Variants in GPATCH1 observed in about 807,000 individuals in gnomAD.
GPATCH1 encodes the protein G patch domain-containing protein 1.
Under a neutral mutation model 114.9 loss-of-function variants are expected in GPATCH1, and 73 were observed. The ratio of observed to expected loss-of-function variants is 0.64; its 90% CI spans 0.53 to 0.77. The LOEUF is 0.77. GPATCH1 is among the 30% of genes least tolerant of loss of function. The pLI is 0.00. For missense variants in GPATCH1, 1,058 were observed against 1,144.3 expected (o/e 0.92, Z 1.09); for synonymous variants, 391 against 428.4 (o/e 0.91, Z 1.08).
rs1175072784 is a variant in GPATCH1 at position 33,081,254 on chromosome 19, C to G, written c.61C>G (p.Pro21Ala). 1 of 1,551,596 alleles carries G rather than the reference C, an allele frequency of 6.4e-7. No individual in the cohort carries two copies. Among genetic ancestry groups the G allele is most frequent in the Admixed American group, 2.0e-5 (1 of 51,012 alleles). The change falls in exon 1 of 20, where the codon CCT (proline) becomes GCT (alanine). Residue 21 changes from proline to alanine, a missense_variant. Transcript: ENST00000170564. Reference sequence around the variant, plus strand: ...GGTCAGCTATGGGACCGGGCTGGAGCCTCTGGAAGAAGGTGCGGGCCGCGT... The same window carrying G: ...GGTCAGCTATGGGACCGGGCTGGAGGCTCTGGAAGAAGGTGCGGGCCGCGT... ...DLVSYGTGLE[P>A]LEEGERPKKP...
intron 16 of GPATCH1, among the ~76,000 whole-genome samples, chr19:33,118,573 A>G (rs1972942208): frequency 1.3e-5 from 2 of 152,142 alleles, no homozygotes; most frequent in Non-Finnish European, 2.9e-5. Flanking sequence ...ATGATCATTT[A>G]TCTTCAAGGT....
chr19:33,092,413 TTGCTTGCACAAATTGTTTTACA>T (rs1198565483), intron 3 of GPATCH1, among the ~76,000 whole-genome samples: 2 of 152,136 alleles, frequency 1.3e-5, no homozygotes, highest in African/African-American at 4.8e-5. Context: ...TTCTCTACAT[TTGCTTGCACAAATTGTTTTACA>T]TGCCCATTCC....
chr19:33,096,535 C>CT (rs924598797), intron 7 of GPATCH1, 89 bp downstream of exon 7: 622 of 1,087,784 alleles, frequency 5.7e-4, no homozygotes, highest in Middle Eastern at 1.1e-3. Flanking sequence ...TCTTTATTTT[C>CT]TTTTTTTTTC....
intron 19 of GPATCH1, among the ~76,000 whole-genome samples, chr19:33,127,834 A>G (rs372750759): frequency 5.3e-5 from 8 of 151,408 alleles, no homozygotes; most frequent in East Asian, 4.0e-4. Context: ...TCAGCCTCCC[A>G]AGCAACTGGG....
intron 8 of GPATCH1, among the ~76,000 whole-genome samples, chr19:33,100,518 G>T (rs903318003): frequency 1.3e-5 from 2 of 149,248 alleles, no homozygotes; most frequent in Non-Finnish European, 3.0e-5. Context: ...AACCCAGGAG[G>T]CAGAGGTTGC....
chr19:33,106,870 C>T lies in GPATCH1; in HGVS notation c.1256C>T (p.Ala419Val). Reference sequence around the variant, plus strand: ...CACCAACTGAATGCCTCCAAACGGGCTGAGTTGCTTGGAGAGACGCCTATT... The same window carrying T: ...CACCAACTGAATGCCTCCAAACGGGTTGAGTTGCTTGGAGAGACGCCTATT... ...SKHQLNASKR[A>V]ELLGETPIQG... The change falls in exon 10 of 20, where the codon GCT becomes GTT. Residue 419 changes from alanine (A) to valine (V), a missense_variant. Transcript: ENST00000170564. 1 of 1,613,952 alleles carries T rather than the reference C, an allele frequency of 6.2e-7. No homozygotes were observed. The highest frequency in any genetic ancestry group is 8.5e-7 in the Non-Finnish European group (1 of 1,179,928).
intron 17 of GPATCH1, among the ~76,000 whole-genome samples, chr19:33,123,107 A>G (rs976558696): frequency 6.7e-6 from 1 of 148,984 alleles, no homozygotes; most frequent in African/African-American, 2.5e-5. Context: ...TAAATAAATA[A>G]ATAAATAAAT....
Position 33,097,791 on chromosome 19 carries a change from G to GCCAC in GPATCH1, c.889_890insCCAC (p.Asp297AlafsTer13), listed in dbSNP as rs765695651. 18 of 1,613,946 alleles carry GCCAC rather than the reference G, an allele frequency of 1.1e-5. No homozygotes were observed. The highest frequency in any genetic ancestry group is 1.5e-5 in the Non-Finnish European group (18 of 1,179,866). The stretch of plus-strand genomic sequence containing the variant: ...AGGTGCCCTGGAAGAGGAAGATGAT[G>GCCAC]ATATCTATGCCACAGAAACTCTATC... On this transcript the variant is annotated frameshift_variant, in exon 8 of 20. Transcript: ENST00000170564. LOFTEE classifies it high-confidence loss of function.
intron 11 of GPATCH1, 132 bp downstream of exon 11, chr19:33,110,148 T>G (rs995171606): frequency 7.9e-6 from 6 of 761,428 alleles, no homozygotes; most frequent in African/African-American, 3.6e-5. Flanking sequence ...CTGCTGCAAA[T>G]AGTGCAAAGG....
chr19:33,113,981 A>T, intron 14 of GPATCH1, 78 bp downstream of exon 14: 1 of 1,306,270 alleles, frequency 7.7e-7, no homozygotes, highest in Non-Finnish European at 1.1e-6. Flanking sequence ...ATTAAAGGGT[A>T]GTTTAGTCCT....
intron 3 of GPATCH1, among the ~76,000 whole-genome samples, chr19:33,092,744 T>C (rs1164773078): frequency 6.6e-6 from 1 of 152,250 alleles, no homozygotes; most frequent in East Asian, 1.9e-4. Flanking sequence ...TTTGTCTCTT[T>C]CACGCTGACC....
At chr19:33,124,097 G>A (rs917610521) in intron 17 of GPATCH1, among the ~76,000 whole-genome samples, 4 of 151,910 alleles carry the variant, frequency 2.6e-5, no homozygotes, top group East Asian at 1.9e-4. Flanking sequence ...CAAGTGATCC[G>A]CCCACCTCAG....
intron 1 of GPATCH1, among the ~76,000 whole-genome samples, chr19:33,082,731 A>T (rs1972491783): frequency 6.6e-6 from 1 of 152,126 alleles, no homozygotes; most frequent in Non-Finnish European, 1.5e-5. Flanking sequence ...AGTCTTCCGA[A>T]TGCTTTTTAT....
chr19:33,090,112 T>TA (rs1188189513), intron 2 of GPATCH1, among the ~76,000 whole-genome samples: 2 of 152,170 alleles, frequency 1.3e-5, no homozygotes, highest in African/African-American at 4.8e-5. Flanking sequence ...GTGCAGAGGT[T>TA]ACAGACATAT....
intron 5 of GPATCH1, among the ~76,000 whole-genome samples, chr19:33,095,514 C>T (rs571280730): frequency 4.6e-5 from 7 of 152,042 alleles, no homozygotes; most frequent in African/African-American, 1.7e-4. Flanking sequence ...CACCCCGCCT[C>T]AGCCTCCCAA....
At chr19:33,111,221 A>G (rs1368282063) in intron 11 of GPATCH1, among the ~76,000 whole-genome samples, 1 of 151,344 alleles carries the variant, frequency 6.6e-6, no homozygotes, top group African/African-American at 2.4e-5. Flanking sequence ...CGTCTCTACT[A>G]AAAATACAAA....
At chr19:33,118,507 C>T (rs1972941482) in intron 16 of GPATCH1, among the ~76,000 whole-genome samples, 1 of 152,054 alleles carries the variant, frequency 6.6e-6, no homozygotes, top group African/African-American at 2.4e-5. Context: ...ATTTTTATAT[C>T]TCTTCTATCT....
rs771018915 is a variant in GPATCH1 at position 33,096,262 on chromosome 19, C to T, written c.668C>T (p.Thr223Ile). Residue 223 changes from threonine to isoleucine, a missense_variant, in exon 7 of 20, where the codon ACA becomes ATA. Thr to Ile is a moderately conservative substitution (Grantham distance 89, BLOSUM62 -1). Around this residue, in one of 3 missense-constraint regions of GPATCH1, gnomAD observed 893 missense variants for 977.4 expected, o/e 0.91. Coordinates refer to ENST00000170564, the MANE Select transcript of GPATCH1 (RefSeq NM_018025.3). ...GTGACCTTTGCACCCAAAGATGTCACACCTGTGGATTTCACACCTAAAGAT... is the reference window on the plus strand; with the variant it reads ...GTGACCTTTGCACCCAAAGATGTCATACCTGTGGATTTCACACCTAAAGAT... Reference protein sequence around the residue: ...DNVTFAPKDVTPVDFTPKDNV... With the variant: ...DNVTFAPKDVIPVDFTPKDNV... The T allele has an allele frequency of 5.0e-6, 8 of 1,613,728 alleles. No individual in the cohort carries two copies. The South Asian group carries it at 6.6e-5, about 13-fold the overall frequency.
At chr19:33,097,669 A>G (rs1972677476) in intron 7 of GPATCH1, 86 bp from the exon 8 acceptor site, 1 of 1,254,416 alleles carries the variant, frequency 8.0e-7, no homozygotes, top group Non-Finnish European at 1.1e-6. Flanking sequence ...ATGGTTTCCA[A>G]TCACATCCTT....
Sources: allele counts gnomAD v4.1 joint callset (sites outside exome capture counted in the v4.1 genomes callset), GRCh38; gene constraint gnomAD v4.1.1; regional missense constraint gnomAD v4.1.1; transcripts MANE v1.5; gene names NCBI Gene and HGNC (gene_info 2026-07-23, HGNC 2026-07-21).